CHSY1: variants seen among roughly 807,000 people sequenced by gnomAD.
The protein encoded by CHSY1 is N-acetylgalactosaminyl-proteoglycan 3-beta-glucuronosyltransferase 1.
In CHSY1, 13 loss-of-function variants were observed where a neutral mutation model predicts 59.8. The observed-to-expected ratio is 0.22, with a 90% CI of 0.14 to 0.35. The LOEUF is 0.35. Ranked by LOEUF, CHSY1 falls within the 10% of genes least tolerant of loss-of-function variation. CHSY1 has a pLI of 1.00. For synonymous variants in CHSY1, 459 were observed against 401.2 expected (o/e 1.14, Z -1.72); for missense variants, 947 against 1,030.6 (o/e 0.92, Z 1.11).
intron 1 of CHSY1, among the ~76,000 whole-genome samples, chr15:101,237,386 G>C (rs899058181): frequency 7.9e-5 from 12 of 152,178 alleles, no homozygotes; most frequent in Non-Finnish European, 1.5e-4. Flanking sequence ...CCTAGGAATG[G>C]AGAAGAAGGC....
intron 2 of CHSY1, among the ~76,000 whole-genome samples, chr15:101,231,789 G>C (rs148377173): frequency 6.6e-6 from 1 of 152,322 alleles, no homozygotes; most frequent in East Asian, 1.9e-4. Flanking sequence ...TCCCTCTTAA[G>C]AGTAGTATAG....
In CHSY1 at chr15:101,251,340, T is replaced by A; in HGVS notation, c.117A>T (p.Pro39=). 8.8e-7 allele frequency: 1 copy of A among 1,138,956 alleles called. No individual in the cohort carries two copies. The allele number at this position is 1,138,956 out of a possible 1,614,324, so 70.6% of individuals were successfully genotyped here. Residue 39 remains proline, a synonymous_variant, in exon 1 of 3, where the codon CCA becomes CCT. Transcript: ENST00000254190. ...PRASELKRAG[P]RRRASPEGCR... is the part of the protein sequence containing the mutation. The stretch of plus-strand genomic sequence containing the variant: ...AGCCCTCGGGGCTGGCGCGGCGCCG[T>A]GGGCCCGCTCGCTTCAGCTCGGAAG...
In CHSY1 at chr15:101,178,267, G is replaced by A. The variant is rs1426008257; in HGVS notation, c.1530C>T (p.Ser510=). ...GCTGAAAGGGGACGAGCTTCTTCAGGGAGTTTGAGAGAAAGGACAAGGATC... is the reference window on the plus strand; with the variant it reads ...GCTGAAAGGGGACGAGCTTCTTCAGAGAGTTTGAGAGAAAGGACAAGGATC... ...ESGSLSFLSN[S]LKKLVPFQLP... Residue 510 remains serine, a synonymous_variant, in exon 3 of 3, where the codon TCC becomes TCT. Coordinates refer to ENST00000254190, the MANE Select transcript of CHSY1 (RefSeq NM_014918.5). The A allele has an allele frequency of 1.4e-5, 22 of 1,613,600 alleles. No individual in the cohort carries two copies. The highest frequency in any genetic ancestry group is 1.9e-5 in the Non-Finnish European group (22 of 1,179,520).
rs145103094 is a variant in CHSY1, at chr15:101,176,790, C to T, written c.*598G>A. ...CAGCCTGGGTAACAGAGTGAGACTC[C>T]GTCTCAAAAAAAGAACAAAACAAAA... On this transcript the variant is annotated 3_prime_UTR_variant, in exon 3 of 3. Coordinates refer to ENST00000254190, the MANE Select transcript of CHSY1 (RefSeq NM_014918.5). 1.0e-3 allele frequency: 183 copies of T among 177,838 alleles called. 1 individual carries two copies. The highest frequency in any genetic ancestry group is 4.1e-3 in the African/African-American group (173 of 42,574). 11.0% of individuals were successfully genotyped at this position (177,838 alleles called of 1,614,324 possible).
chr15:101,181,918 G>C (rs983125182), intron 2 of CHSY1, among the ~76,000 whole-genome samples: 2 of 152,142 alleles, frequency 1.3e-5, no homozygotes, highest in Non-Finnish European at 2.9e-5. Context: ...CACATCTTTT[G>C]CATGTTGTGT....
At chr15:101,249,745 CCTCAGGCGATCCG>C (rs2039088378) in intron 1 of CHSY1, among the ~76,000 whole-genome samples, 1 of 152,050 alleles carries the variant, frequency 6.6e-6, no homozygotes, top group African/African-American at 2.4e-5. Flanking sequence ...GAACTCCTGA[CCTCAGGCGATCCG>C]CCCGCCTCGG....
chr15:101,215,777 C>T (rs894645891), intron 2 of CHSY1, among the ~76,000 whole-genome samples: 1 of 152,162 alleles, frequency 6.6e-6, no homozygotes, highest in Non-Finnish European at 1.5e-5. Context: ...ATGAACAATT[C>T]ATGTACATCT....
chr15:101,192,286 G>A (rs2038454710), intron 2 of CHSY1, among the ~76,000 whole-genome samples: 1 of 152,140 alleles, frequency 6.6e-6, no homozygotes, highest in Non-Finnish European at 1.5e-5. Context: ...ATTAATCACA[G>A]ACAACAATGT....
chr15:101,221,398 C>T (rs910001223), intron 2 of CHSY1, among the ~76,000 whole-genome samples: 1 of 152,146 alleles, frequency 6.6e-6, no homozygotes, highest in Admixed American at 6.5e-5. Context: ...GACGCTGGGG[C>T]ACAAGAATCT....
intron 2 of CHSY1, among the ~76,000 whole-genome samples, chr15:101,200,085 C>T (rs1050954802): frequency 6.6e-6 from 1 of 152,212 alleles, no homozygotes; most frequent in Non-Finnish European, 1.5e-5. Flanking sequence ...ATCCAATATT[C>T]TACAACATAA....
At chr15:101,225,202 G>C (rs1257664907) in intron 2 of CHSY1, among the ~76,000 whole-genome samples, 2 of 151,992 alleles carry the variant, frequency 1.3e-5, no homozygotes, top group Non-Finnish European at 2.9e-5. Flanking sequence ...AAAGTAGCTA[G>C]GACCACAGGC....
chr15:101,196,246 A>T (rs1342084199), intron 2 of CHSY1, among the ~76,000 whole-genome samples: 1 of 150,906 alleles, frequency 6.6e-6, no homozygotes, highest in Non-Finnish European at 1.5e-5. Flanking sequence ...AAAAAAAAAA[A>T]CATATATGTA....
At chr15:101,236,648 C>A (rs556149748) in intron 1 of CHSY1, among the ~76,000 whole-genome samples, 2 of 151,844 alleles carry the variant, frequency 1.3e-5, no homozygotes, top group African/African-American at 4.8e-5. Flanking sequence ...GGTGAAACCC[C>A]GTCTCTACTA....
At chr15:101,208,768 C>T (rs927327023) in intron 2 of CHSY1, among the ~76,000 whole-genome samples, 7 of 149,934 alleles carry the variant, frequency 4.7e-5, no homozygotes, top group African/African-American at 9.8e-5. Context: ...CCACTGGACA[C>T]GTCTAAGGTG....
intron 2 of CHSY1, among the ~76,000 whole-genome samples, chr15:101,226,834 A>G (rs1163314917): frequency 6.6e-6 from 1 of 152,246 alleles, no homozygotes; most frequent in African/African-American, 2.4e-5. Context: ...TTTAGAGCAC[A>G]ATACCCTGAC....
At chr15:101,223,516 C>A (rs2038811074) in intron 2 of CHSY1, among the ~76,000 whole-genome samples, 1 of 152,240 alleles carries the variant, frequency 6.6e-6, no homozygotes, top group Non-Finnish European at 1.5e-5. Context: ...TTCATCATCT[C>A]ATCTACTACA....
rs1310040739 is a variant in CHSY1 at position 101,177,306 on chromosome 15, G to A, written c.*82C>T. 9 of 1,328,374 alleles carry A rather than the reference G, an allele frequency of 6.8e-6. No individual in the cohort carries two copies. Among genetic ancestry groups the A allele is most frequent in the South Asian group, 6.7e-5 (5 of 74,332 alleles). 82.3% of individuals were successfully genotyped at this position (1,328,374 alleles called of 1,614,324 possible). A position where few individuals can be genotyped will look rare whatever the true frequency, so the allele number is the denominator to read the frequency against. On this transcript the variant is annotated 3_prime_UTR_variant, in exon 3 of 3. Coordinates refer to ENST00000254190, the MANE Select transcript of CHSY1 (RefSeq NM_014918.5). The stretch of plus-strand genomic sequence containing the variant: ...ACTTGTAAAATATATCCTTGTATAC[G>A]GACTTCAAAAACTGATCATACAAAA...
chr15:101,241,341 G>A (rs907033285), intron 1 of CHSY1, among the ~76,000 whole-genome samples: 3 of 152,156 alleles, frequency 2.0e-5, no homozygotes, highest in African/African-American at 4.8e-5. Context: ...CGCCCACCTC[G>A]GCCTCCCAAA....
Position 101,251,196 on chromosome 15 carries a change from G to A in CHSY1, c.261C>T (p.Leu87=), listed in dbSNP as rs369927768. The change falls in exon 1 of 3, where the codon CTC becomes CTT. Residue 87 remains leucine, a synonymous_variant. Transcript: ENST00000254190. ...PDGGPRDRNF[L]FVGVMTAQKY... ...TCTGGGCGGTCATGACTCCCACGAA[G>A]AGAAAGTTCCTGTCGCGCGGGCCGC... 384 of 1,600,942 alleles carry A rather than the reference G, an allele frequency of 2.4e-4. No individual in the cohort carries two copies. The highest frequency in any genetic ancestry group is 1.3e-3 in the African/African-American group (94 of 74,762).
Sources: gnomAD v4.1 joint callset for allele counts (sites outside exome capture counted in the v4.1 genomes callset) on GRCh38, gnomAD v4.1.1 for gene constraint, MANE v1.5 for transcripts, NCBI Gene and HGNC (gene_info 2026-07-23, HGNC 2026-07-21) for gene names.